The following LMAN1L variants were observed in gnomAD, a reference collection of about 807,000 sequenced individuals.
The protein encoded by LMAN1L is protein ERGIC-53-like.
In LMAN1L, 60 loss-of-function variants were observed where a neutral mutation model predicts 58.3. That is an observed-to-expected ratio of 1.03 (90% CI 0.84 to 1.27). The LOEUF is 1.27. Ranked by LOEUF, LMAN1L falls within the 50% of genes most tolerant of loss-of-function variation. LMAN1L has a pLI of 0.00. For synonymous variants in LMAN1L, 280 were observed against 271.6 expected (o/e 1.03, Z -0.31); for missense variants, 629 against 674.0 (o/e 0.93, Z 0.74).
chr15:74,824,272 T>C (rs539018933), intron 12 of LMAN1L, 79 bp from the exon 13 acceptor site: 2 of 1,382,538 alleles, frequency 1.4e-6, no homozygotes, highest in Non-Finnish European at 2.0e-6. Context: ...AAACGGAGCA[T>C]GCACATGGCC....
At chr15:74,813,283 C>G (rs1284360404) in intron 1 of LMAN1L, 3 of 619,716 alleles carry the variant, frequency 4.8e-6, no homozygotes, top group Admixed American at 4.2e-5. Context: ...CTCTTCTCCT[C>G]TGCCTCTCCT....
At position 74,819,164 on chromosome 15, in the gene LMAN1L, A is replaced by G; in HGVS notation, c.610A>G (p.Ser204Gly). 6.2e-7 allele frequency: 1 copy of G among 1,612,740 alleles called. No homozygotes were observed. Among genetic ancestry groups the G allele is most frequent in the Non-Finnish European group, 8.5e-7 (1 of 1,179,244 alleles). Residue 204 changes from serine to glycine, a missense_variant, in exon 6 of 14, where the codon AGT becomes GGT. Physicochemically the swap from Ser to Gly is moderately conservative, Grantham distance 56. Around this residue, in one of 3 missense-constraint regions of LMAN1L, gnomAD observed 573 missense variants for 597.3 expected, o/e 0.96. Transcript: ENST00000309664. ...CCATGTCCCTCAGATGTCCTTGAAC[A>G]GTGGCCTCACTCCCAGTGATCCAGG... ...WGQRLRMSLNSGLTPSDPGEF... is the reference protein window; with the variant it reads ...WGQRLRMSLNGGLTPSDPGEF...
chr15:74,824,591 C>T (rs929489098), intron 13 of LMAN1L, 113 bp downstream of exon 13: 11 of 1,247,632 alleles, frequency 8.8e-6, no homozygotes, highest in African/African-American at 1.5e-5. Context: ...CCTGCCGAGT[C>T]CCCAAATCAC....
chr15:74,818,695 A>G, intron 4 of LMAN1L, 23 bp from the exon 5 acceptor site: 2 of 1,572,538 alleles, frequency 1.3e-6, no homozygotes, highest in South Asian at 1.2e-5. Flanking sequence ...TCAAAAACAA[A>G]CAAATGAACA....
chr15:74,816,818 T>G, intron 4 of LMAN1L, 128 bp downstream of exon 4: 1 of 888,936 alleles, frequency 1.1e-6, no homozygotes, highest in Non-Finnish European at 1.7e-6. Flanking sequence ...CCATACTTGC[T>G]GGACTCTCTC....
intron 1 of LMAN1L, among the ~76,000 whole-genome samples, chr15:74,814,362 T>C (rs2063879808): frequency 1.2e-5 from 1 of 81,254 alleles, no homozygotes; most frequent in African/African-American, 3.6e-5. Context: ...CGCAGCTAAT[T>C]TTTGTTTTTG....
At chr15:74,814,491 A>G (rs1596377435) in intron 1 of LMAN1L, among the ~76,000 whole-genome samples, 1 of 149,588 alleles carries the variant, frequency 6.7e-6, no homozygotes, top group Non-Finnish European at 1.5e-5. Flanking sequence ...CTCCTGCCTC[A>G]GTCTCCCGAG....
At chr15:74,823,402 T>C (rs976979060) in intron 11 of LMAN1L, among the ~76,000 whole-genome samples, 157 bp from the exon 12 acceptor site, 1 of 151,946 alleles carries the variant, frequency 6.6e-6, no homozygotes, top group Non-Finnish European at 1.5e-5. Flanking sequence ...AGGAAGAAGG[T>C]TGGAGGTGAA....
In LMAN1L at chr15:74,814,366, G is replaced by GT. The variant is rs781652776; in HGVS notation, c.175+1342dup. ...GTGCCACCACACGCAGCTAATTTTT[G>GT]TTTTTGTTTTTGTTTTTTTTTTTTT... On this transcript the variant is annotated intron_variant, in intron 1 of 13. Coordinates refer to ENST00000309664, the MANE Select transcript of LMAN1L (RefSeq NM_021819.3). Among the ~76,000 whole-genome samples, 160 of 71,396 alleles carry GT rather than the reference G, an allele frequency of 2.2e-3. 10 individuals are homozygous for GT. Among genetic ancestry groups the GT allele is most frequent in the African/African-American group, 4.9e-3 (119 of 24,532 alleles). The allele number at this position is 71,396 out of a possible 152,430, so 46.8% of individuals were successfully genotyped here.
chr15:74,818,845 G>T (rs1269210643), intron 5 of LMAN1L, 28 bp downstream of exon 5: 1 of 1,570,294 alleles, frequency 6.4e-7, no homozygotes, highest in Non-Finnish European at 8.7e-7. Flanking sequence ...CTTCTGACAG[G>T]GCTCTGAGTT....
At chr15:74,823,434 GC>G (rs1415991801) in intron 11 of LMAN1L, 124 bp from the exon 12 acceptor site, 2 of 1,028,026 alleles carry the variant, frequency 1.9e-6, no homozygotes, top group Non-Finnish European at 2.9e-6. Flanking sequence ...CCAAGAAGGG[GC>G]CCCATGGATG....
At chr15:74,816,811 T>C in intron 4 of LMAN1L, 121 bp downstream of exon 4, 4 of 951,722 alleles carry the variant, frequency 4.2e-6, no homozygotes, top group Non-Finnish European at 6.2e-6. Context: ...CGGGCCGCCA[T>C]ACTTGCTGGA....
At chr15:74,821,959 G>A in intron 10 of LMAN1L, 59 bp downstream of exon 10, 2 of 1,183,804 alleles carry the variant, frequency 1.7e-6, no homozygotes, top group Non-Finnish European at 2.5e-6. Flanking sequence ...TGGTGCTCTG[G>A]GAGAACCAGG....
chr15:74,824,742 T>C (rs2063933493), intron 13 of LMAN1L: 1 of 390,864 alleles, frequency 2.6e-6, no homozygotes, highest in Non-Finnish European at 4.6e-6. Flanking sequence ...AATGCCATGA[T>C]GTCAGGAAGC....
chr15:74,819,879 T>A, intron 6 of LMAN1L, 165 bp from the exon 7 acceptor site: 1 of 686,500 alleles, frequency 1.5e-6, no homozygotes. Context: ...CGTCTACCTG[T>A]CAACCCTCAC....
rs1280593482 is a variant in LMAN1L, at chr15:74,816,314, G to A, written c.330+3G>A. 2.5e-6 allele frequency: 4 copies of A among 1,611,912 alleles called. No homozygotes were observed. Among genetic ancestry groups the A allele is most frequent in the Admixed American group, 3.3e-5 (2 of 59,972 alleles). Reference sequence around the variant, plus strand: ...GGCGCCGGGGAGCCCAGGGCATGGTGAGTGTCCTCTCCCAGAGCTGACAGA... The same window carrying A: ...GGCGCCGGGGAGCCCAGGGCATGGTAAGTGTCCTCTCCCAGAGCTGACAGA... On this transcript the variant is annotated splice_donor_region_variant and intron_variant, in intron 2 of 13. Coordinates refer to ENST00000309664, the MANE Select transcript of LMAN1L (RefSeq NM_021819.3).
rs1555466763 is a variant in LMAN1L at position 74,814,366 on chromosome 15, G to GGT, written c.175+1337_175+1338insGT. Reference sequence around the variant, plus strand: ...GTGCCACCACACGCAGCTAATTTTTGTTTTTGTTTTTGTTTTTTTTTTTTT... The same window carrying GGT: ...GTGCCACCACACGCAGCTAATTTTTGGTTTTTTGTTTTTGTTTTTTTTTTTTT... On this transcript the variant is annotated intron_variant, in intron 1 of 13. Coordinates refer to ENST00000309664, the MANE Select transcript of LMAN1L (RefSeq NM_021819.3). Among the ~76,000 whole-genome samples the GGT allele has an allele frequency of 7.0e-5, 5 of 71,414 alleles. 1 individual carries two copies. The East Asian group carries it at 2.9e-3, about 42-fold the overall frequency. 46.9% of individuals were successfully genotyped at this position (71,414 alleles called of 152,430 possible). A position where few individuals can be genotyped will look rare whatever the true frequency, so the allele number is the denominator to read the frequency against.
chr15:74,813,118 G>A (rs2063873210), intron 1 of LMAN1L, 89 bp downstream of exon 1: 2 of 1,401,750 alleles, frequency 1.4e-6, no homozygotes, highest in Admixed American at 3.9e-5. Flanking sequence ...GTCTGTCACA[G>A]CCATCCTCTG....
intron 9 of LMAN1L, among the ~76,000 whole-genome samples, 164 bp from the exon 10 acceptor site, chr15:74,821,665 T>TATA (rs2063917420): frequency 6.6e-6 from 1 of 152,200 alleles, no homozygotes; most frequent in African/African-American, 2.4e-5. Flanking sequence ...GCCAAGGTGT[T>TATA]AGATACTGGG....
Sources: allele counts gnomAD v4.1 joint callset (sites outside exome capture counted in the v4.1 genomes callset), GRCh38; gene constraint gnomAD v4.1.1; regional missense constraint gnomAD v4.1.1; transcripts MANE v1.5; gene names NCBI Gene and HGNC (gene_info 2026-07-23, HGNC 2026-07-21).